MRC1: variants seen among roughly 807,000 people sequenced by gnomAD.
MRC1 encodes mannose receptor C-type 1, also known as macrophage mannose receptor 1.
A neutral mutation model predicts 102.9 loss-of-function variants in MRC1; 62 were observed. The observed-to-expected ratio is 0.60, with a 90% CI of 0.49 to 0.74. The LOEUF is 0.74. Among genes scored for constraint, MRC1 ranks in the 30% least tolerant of loss-of-function variants. The pLI is 0.00. For synonymous variants in MRC1, 457 were observed against 298.4 expected (o/e 1.53, Z -5.48); for missense variants, 1,237 against 862.8 (o/e 1.43, Z -5.43).
chr10:17,828,071 T>G (rs1838508751), intron 3 of MRC1, among the ~76,000 whole-genome samples: 1 of 152,114 alleles, frequency 6.6e-6, no homozygotes, highest in South Asian at 2.1e-4. Context: ...TCAAGTGACC[T>G]CTTTATTTAT....
chr10:17,828,718 G>C (rs1399798182), intron 3 of MRC1, among the ~76,000 whole-genome samples: 1 of 151,482 alleles, frequency 6.6e-6, no homozygotes. Context: ...TAATTTATAT[G>C]CTTCAAGGTT....
At chr10:17,887,150 T>C (rs1833608818) in intron 22 of MRC1, among the ~76,000 whole-genome samples, 1 of 152,096 alleles carries the variant, frequency 6.6e-6, no homozygotes, top group Admixed American at 6.5e-5. Context: ...ACATTGCTTT[T>C]ACTCTAGATA....
At chr10:17,840,060 C>T (rs1838727402) in intron 4 of MRC1, among the ~76,000 whole-genome samples, 1 of 62,098 alleles carries the variant, frequency 1.6e-5, no homozygotes. Flanking sequence ...TGCAAGACTC[C>T]AACTCAAAAA....
chr10:17,881,834 GTTTTTTTTTTTTTTTT>G (rs1159143035), intron 21 of MRC1, among the ~76,000 whole-genome samples: 2 of 61,860 alleles, frequency 3.2e-5, no homozygotes, highest in Non-Finnish European at 5.5e-5. Flanking sequence ...ATTTTTTAAA[GTTTTTTTTTTTTTTTT>G]TTTTTTTTTT....
chr10:17,895,699 C>G (rs1349380431), intron 23 of MRC1, among the ~76,000 whole-genome samples: 3 of 152,066 alleles, frequency 2.0e-5, no homozygotes, highest in African/African-American at 7.2e-5. Flanking sequence ...TCTAGAGAAA[C>G]TAGAATAAAA....
intron 12 of MRC1, among the ~76,000 whole-genome samples, chr10:17,867,352 T>C (rs1235728712): frequency 1.6e-5 from 2 of 126,876 alleles, no homozygotes; most frequent in East Asian, 5.0e-4. Context: ...CTCCTCTTCT[T>C]CTTCTCCTTC....
intron 16 of MRC1, 31 bp downstream of exon 16, chr10:17,873,856 A>G (rs1833389337): frequency 1.1e-6 from 1 of 871,732 alleles, no homozygotes; most frequent in Non-Finnish European, 2.0e-6. Context: ...TGATCTCTGT[A>G]CTGATAACCC....
intron 26 of MRC1, among the ~76,000 whole-genome samples, chr10:17,904,846 A>C (rs1833875798): frequency 6.6e-6 from 1 of 152,140 alleles, no homozygotes; most frequent in Non-Finnish European, 1.5e-5. Context: ...CATTCCCCGG[A>C]ATTTGTCAAT....
rs188992572 is a variant in MRC1 at position 17,816,015 on chromosome 10, G to A, written c.61+6489G>A. On this transcript the variant is annotated intron_variant, in intron 1 of 29. Transcript: ENST00000569591. Reference sequence around the variant, plus strand: ...ATTTTTGTATTTTTAGTAGAGACGCGGTTCCACCATGTTGGCCAGGCTGAT... The same window carrying A: ...ATTTTTGTATTTTTAGTAGAGACGCAGTTCCACCATGTTGGCCAGGCTGAT... 2.6e-3 allele frequency among the ~76,000 whole-genome samples: 397 copies of A among 152,092 alleles called. 1 individual carries two copies. Among genetic ancestry groups the A allele is most frequent in the African/African-American group, 8.8e-3 (364 of 41,484 alleles).
chr10:17,855,359 C>T (rs1433790227), intron 8 of MRC1, among the ~76,000 whole-genome samples: 3 of 151,690 alleles, frequency 2.0e-5, no homozygotes, highest in Non-Finnish European at 2.9e-5. Context: ...ATCATGAGGT[C>T]GGGAGATCGA....
chr10:17,832,740 A>G (rs1306769240), intron 3 of MRC1, among the ~76,000 whole-genome samples: 175 of 150,674 alleles, frequency 1.2e-3, no homozygotes, highest in African/African-American at 3.6e-3. Flanking sequence ...GGCGCCCGCC[A>G]CCACGCCCGG....
intron 7 of MRC1, among the ~76,000 whole-genome samples, chr10:17,851,380 AT>A (rs1165357105): frequency 6.6e-6 from 1 of 151,674 alleles, no homozygotes; most frequent in Non-Finnish European, 1.5e-5. Flanking sequence ...AAACCTAGAA[AT>A]TTTTTTTTAC....
At chr10:17,897,784 A>G (rs1833775875) in intron 23 of MRC1, among the ~76,000 whole-genome samples, 1 of 152,238 alleles carries the variant, frequency 6.6e-6, no homozygotes, top group Non-Finnish European at 1.5e-5. Flanking sequence ...TTGTTAGTTT[A>G]GAAACTTGAT....
chr10:17,862,842 T>C (rs1331591502), intron 10 of MRC1: 3 of 152,242 alleles, frequency 2.0e-5, no homozygotes, highest in African/African-American at 7.2e-5. Flanking sequence ...TTTTCCTATG[T>C]TGCTGCTTCC....
At chr10:17,884,471 T>G (rs1833562200) in intron 21 of MRC1, among the ~76,000 whole-genome samples, 1 of 152,206 alleles carries the variant, frequency 6.6e-6, no homozygotes, top group Admixed American at 6.5e-5. Context: ...TGCCGGAGAC[T>G]GGGTAATTTA....
At position 17,870,866 on chromosome 10, in the gene MRC1, C is replaced by T; in HGVS notation, c.2130C>T (p.His710=). 5 of 872,448 alleles carry T rather than the reference C, an allele frequency of 5.7e-6. No individual in the cohort carries two copies. The highest frequency in any genetic ancestry group is 5.2e-5 in the South Asian group (4 of 76,528). The allele number at this position is 872,448 out of a possible 1,614,324, so 54.0% of individuals were successfully genotyped here. A position where few individuals can be genotyped will look rare whatever the true frequency, so the allele number is the denominator to read the frequency against. ...TTCATAGAGCTAGTGGAAGCTACCA[C>T]AAACTGTTTTGGTTGGGATTGACAT... The part of the protein sequence containing the change: ...WRLITASGSY[H]KLFWLGLTYG... The change falls in exon 14 of 30, where the codon CAC becomes CAT. Residue 710 remains histidine (H), a synonymous_variant. Coordinates refer to ENST00000569591, the MANE Select transcript of MRC1 (RefSeq NM_002438.4).
chr10:17,909,794 A>T (rs1048340267), intron 29 of MRC1, among the ~76,000 whole-genome samples: 1 of 151,280 alleles, frequency 6.6e-6, no homozygotes, highest in Non-Finnish European at 1.5e-5. Flanking sequence ...TAACATCATG[A>T]GTGCCGTTTG....
rs1198138903 is a variant in MRC1, at chr10:17,856,309, G to C, written c.1475G>C (p.Ser492Thr). ...LGYICKMKSRSQGPEIVEVEK... is the reference protein window; with the variant it reads ...LGYICKMKSRTQGPEIVEVEK... ...TACATCTGCAAGATGAAATCACGAA[G>C]CCAAGGTCCAGAAATAGTGGAAGTC... Residue 492 changes from serine to threonine, a missense_variant, in exon 9 of 30, where the codon AGC becomes ACC. Transcript: ENST00000569591. The C allele has an allele frequency of 5.8e-6, 5 of 862,178 alleles. No individual in the cohort carries two copies. In the African/African-American group the frequency reaches 6.6e-5, roughly 11 times the overall value. The allele number at this position is 862,178 out of a possible 1,614,324, so 53.4% of individuals were successfully genotyped here.
At position 17,845,343 on chromosome 10, in the gene MRC1, A is replaced by T. The variant is rs1838810277; in HGVS notation, c.971A>T (p.Asn324Ile). The T allele has an allele frequency of 5.1e-6, 4 of 780,860 alleles. No individual in the cohort carries two copies. Among genetic ancestry groups the T allele is most frequent in the Non-Finnish European group, 9.6e-6 (4 of 417,958 alleles). 48.4% of individuals were successfully genotyped at this position (780,860 alleles called of 1,614,324 possible). ...KSCVSLNPGKNAKWENLECVQ... is the reference protein window; with the variant it reads ...KSCVSLNPGKIAKWENLECVQ... ...TGTGTGTCACTAAATCCTGGAAAAA[A>T]TGCTAAATGGGAAAATCTGGAATGT... The change falls in exon 6 of 30, where the codon AAT becomes ATT. Residue 324 changes from asparagine to isoleucine, a missense_variant. Transcript: ENST00000569591.
Sources: allele counts gnomAD v4.1 joint callset (sites outside exome capture counted in the v4.1 genomes callset), GRCh38; gene constraint gnomAD v4.1.1; transcripts MANE v1.5; gene names NCBI Gene and HGNC (gene_info 2026-07-23, HGNC 2026-07-21).